The following RANBP2 variants were observed in gnomAD, a reference collection of about 807,000 sequenced individuals.
The protein encoded by RANBP2 is E3 SUMO-protein ligase RanBP2.
Under a neutral mutation model 303.6 loss-of-function variants are expected in RANBP2, and 57 were observed. The ratio of observed to expected loss-of-function variants is 0.19; its 90% CI spans 0.15 to 0.23. RANBP2 has a LOEUF of 0.23. Among genes scored for constraint, RANBP2 ranks in the 10% least tolerant of loss-of-function variants. The pLI, the probability that RANBP2 is intolerant of heterozygous loss-of-function variation, is 1.00. For synonymous variants in RANBP2, 1,167 were observed against 1,301.5 expected (o/e 0.90, Z 2.23); for missense variants, 3,138 against 3,780.8 (o/e 0.83, Z 4.46).
chr2:109,669,936 C>T, the RANBP2 span, among the ~76,000 whole-genome samples: 1 of 151,602 alleles, frequency 6.6e-6, no homozygotes, highest in Admixed American at 6.6e-5. Flanking sequence ...CCAAGCGACC[C>T]CCCACCACGG....
chr2:109,342,296 A>G, the RANBP2 span, among the ~76,000 whole-genome samples: 1 of 152,214 alleles, frequency 6.6e-6, no homozygotes, highest in East Asian at 1.9e-4. Context: ...ATAATGGGCC[A>G]AATAGAGGCT....
At chr2:108,992,713 C>G in the RANBP2 span, among the ~76,000 whole-genome samples, 1 of 152,216 alleles carries the variant, frequency 6.6e-6, no homozygotes, top group Admixed American at 6.5e-5. Context: ...GTGACACCCA[C>G]TAAGTTATTC....
At chr2:109,192,359 G>T in the RANBP2 span, among the ~76,000 whole-genome samples, 1 of 152,342 alleles carries the variant, frequency 6.6e-6, no homozygotes, top group African/African-American at 2.4e-5. Context: ...CTCTTCTTTT[G>T]AGCAGGCATC....
the RANBP2 span, among the ~76,000 whole-genome samples, chr2:109,199,583 G>GCC: frequency 4.2e-3 from 1 of 240 alleles, no homozygotes; most frequent in African/African-American, 0.014. Flanking sequence ...GGAATGGAAT[G>GCC]GAATGGAATG....
At chr2:109,477,499 A>T in the RANBP2 span, among the ~76,000 whole-genome samples, 3 of 152,216 alleles carry the variant, frequency 2.0e-5, no homozygotes, top group Admixed American at 1.3e-4. Context: ...CGCCAGACAC[A>T]TGCTGAGGTG....
the RANBP2 span, among the ~76,000 whole-genome samples, chr2:109,485,171 A>G: frequency 1.3e-5 from 2 of 152,246 alleles, no homozygotes; most frequent in Admixed American, 6.5e-5. Context: ...TGCCCAACCA[A>G]TGCAAACTGA....
the RANBP2 span, among the ~76,000 whole-genome samples, chr2:109,332,993 GC>G: frequency 6.6e-6 from 1 of 152,252 alleles, no homozygotes; most frequent in Admixed American, 6.5e-5. Context: ...AGACAGCCTA[GC>G]CTGCTGGGTC....
chr2:109,528,379 C>A, the RANBP2 span, among the ~76,000 whole-genome samples: 1 of 152,232 alleles, frequency 6.6e-6, no homozygotes, highest in Admixed American at 6.5e-5. Flanking sequence ...TAAAGGTTTG[C>A]CATTTTAAAG....
the RANBP2 span, among the ~76,000 whole-genome samples, chr2:109,335,657 C>G: frequency 1.3e-5 from 2 of 152,202 alleles, no homozygotes; most frequent in Non-Finnish European, 2.9e-5. Flanking sequence ...TGCTGTCCCC[C>G]TGGCTGGAAC....
intron 1 of RANBP2, among the ~76,000 whole-genome samples, chr2:108,724,987 T>G (rs1265594071): frequency 6.6e-6 from 1 of 152,142 alleles, no homozygotes; most frequent in Non-Finnish European, 1.5e-5. Flanking sequence ...AATTTAGAAC[T>G]GCATAGTGAA....
the RANBP2 span, among the ~76,000 whole-genome samples, chr2:109,355,549 C>T: frequency 2.6e-5 from 4 of 152,354 alleles, no homozygotes; most frequent in Non-Finnish European, 4.4e-5. Flanking sequence ...CTGGCTCTTT[C>T]TAGAAAACGT....
the RANBP2 span, among the ~76,000 whole-genome samples, chr2:108,930,604 G>A: frequency 5.3e-5 from 8 of 152,112 alleles, no homozygotes; most frequent in African/African-American, 9.7e-5. Flanking sequence ...TCAGAACACC[G>A]GCGTGTCCAG....
chr2:108,722,881 ACT>A (rs1457294174), intron 1 of RANBP2, among the ~76,000 whole-genome samples: 2 of 151,898 alleles, frequency 1.3e-5, no homozygotes, highest in African/African-American at 4.8e-5. Context: ...ACAGAGCGAG[ACT>A]CTGTCTCCAA....
At chr2:109,083,354 T>A in the RANBP2 span, among the ~76,000 whole-genome samples, 80,819 of 151,930 alleles carry the variant, frequency 0.53, 22,743 homozygotes, top group South Asian at 0.66. Flanking sequence ...TGTGAACTTG[T>A]CTTCCCTAAG....
the RANBP2 span, among the ~76,000 whole-genome samples, chr2:109,297,465 G>C: frequency 6.6e-6 from 1 of 152,036 alleles, no homozygotes; most frequent in African/African-American, 2.4e-5. Flanking sequence ...AGCCAGAGGG[G>C]TGCCTGGTGT....
chr2:108,964,092 A>C, the RANBP2 span, among the ~76,000 whole-genome samples: 3 of 152,334 alleles, frequency 2.0e-5, no homozygotes, highest in East Asian at 5.8e-4. Context: ...ATTCTACTTA[A>C]TTTAAATTTA....
At chr2:109,040,852 G>A in the RANBP2 span, among the ~76,000 whole-genome samples, 2 of 152,086 alleles carry the variant, frequency 1.3e-5, no homozygotes, top group African/African-American at 4.8e-5. Context: ...TCAGGAGATC[G>A]AGACCATCCT....
At chr2:109,449,226 C>G in the RANBP2 span, 4 of 1,613,462 alleles carry the variant, frequency 2.5e-6, no homozygotes, top group Non-Finnish European at 3.4e-6. Flanking sequence ...GTCACCCCTG[C>G]GCACCCAGAA....
chr2:108,742,020 G>A (rs1416583728), intron 7 of RANBP2, among the ~76,000 whole-genome samples: 1 of 151,948 alleles, frequency 6.6e-6, no homozygotes. Context: ...TTTTGAGACG[G>A]GGTTTTGCTC....
Sources: gnomAD v4.1 joint callset for allele counts (sites outside exome capture counted in the v4.1 genomes callset) on GRCh38, gnomAD v4.1.1 for gene constraint, MANE v1.5 for transcripts, NCBI Gene and HGNC (gene_info 2026-07-23, HGNC 2026-07-21) for gene names.